RHCE: variants seen among roughly 807,000 people sequenced by gnomAD.
The protein encoded by RHCE is blood group Rh(CE) polypeptide.
Under a neutral mutation model 43.8 loss-of-function variants are expected in RHCE, and 22 were observed. The ratio of observed to expected loss-of-function variants is 0.50; its 90% confidence interval spans 0.36 to 0.72. The LOEUF (loss-of-function observed/expected upper bound fraction) is 0.72. Among genes scored for constraint, RHCE ranks in the 30% least tolerant of loss-of-function variants. RHCE has a pLI of 0.00. For missense variants in RHCE, 385 were observed against 525.4 expected (o/e 0.73, Z 2.61); for synonymous variants, 156 against 210.7 (o/e 0.74, Z 2.25).
intron 1 of RHCE, among the ~76,000 whole-genome samples, chr1:25,415,583 C>T (rs1240488270): frequency 6.3e-4 from 95 of 151,960 alleles, no homozygotes; most frequent in African/African-American, 2.1e-3. Flanking sequence ...ACCTGGGAGG[C>T]GGAGGTTGCG....
At chr1:25,420,010 C>A (rs572638507) in intron 1 of RHCE, among the ~76,000 whole-genome samples, 2 of 140,270 alleles carry the variant, frequency 1.4e-5, no homozygotes, top group Admixed American at 1.4e-4. Flanking sequence ...AGACCCACAT[C>A]TCTACCAAAA....
intron 7 of RHCE, among the ~76,000 whole-genome samples, chr1:25,376,702 C>T (rs1336666262): frequency 6.6e-6 from 1 of 152,156 alleles, no homozygotes; most frequent in Non-Finnish European, 1.5e-5. Context: ...ATCATGAGGT[C>T]AGGAGATGGA....
intron 1 of RHCE, among the ~76,000 whole-genome samples, chr1:25,416,506 G>A (rs570583781): frequency 1.3e-5 from 2 of 152,250 alleles, no homozygotes; most frequent in Admixed American, 6.5e-5. Context: ...CTCGTGATCT[G>A]CCTGCCTTGG....
At chr1:25,391,533 A>C (rs963649737) in intron 4 of RHCE, among the ~76,000 whole-genome samples, 8 of 150,020 alleles carry the variant, frequency 5.3e-5, no homozygotes, top group African/African-American at 2.0e-4. Context: ...CTTTAACTTG[A>C]CCCCGTGGCC....
chr1:25,413,709 A>C (rs1192445672), intron 1 of RHCE, among the ~76,000 whole-genome samples: 1 of 151,998 alleles, frequency 6.6e-6, no homozygotes, highest in Admixed American at 6.6e-5. Flanking sequence ...CGTGCCTTAC[A>C]GACTTAGCCC....
In RHCE at chr1:25,362,365, T is replaced by G; in HGVS notation, c.*162A>C. 1 of 1,513,006 alleles carries G rather than the reference T, an allele frequency of 6.6e-7. No individual in the cohort carries two copies. Among genetic ancestry groups the G allele is most frequent in the Non-Finnish European group, 9.0e-7 (1 of 1,112,342 alleles). The allele number at this position is 1,513,006 out of a possible 1,614,324, so 93.7% of individuals were successfully genotyped here. A position where few individuals can be genotyped will look rare whatever the true frequency, so the allele number is the denominator to read the frequency against. ...ATTAAATTGACTCTTAAACTAAGTTTTTAGTCTTTAATTTTTTAATATCAA... is the reference window on the plus strand; with the variant it reads ...ATTAAATTGACTCTTAAACTAAGTTGTTAGTCTTTAATTTTTTAATATCAA... On this transcript the variant is annotated 3_prime_UTR_variant, in exon 10 of 10. Transcript: ENST00000294413.
Position 25,390,824 on chromosome 1 carries a change from G to A in RHCE, c.726C>T (p.Tyr242=). The A allele has an allele frequency of 2.5e-6, 4 of 1,614,238 alleles. No homozygotes were observed. Among genetic ancestry groups the A allele is most frequent in the Non-Finnish European group, 3.4e-6 (4 of 1,180,038 alleles). ...IQRKNAMFNT[Y]YALAVSVVTA... ...TCACCACACTGACTGCTAGAGCATA[G>A]TAGGTGTTGAACATGGCATTCTTCC... Residue 242 remains tyrosine, a synonymous_variant, in exon 5 of 10, where the codon TAC becomes TAT. Transcript: ENST00000294413.
chr1:25,407,421 C>G (rs28618120), intron 2 of RHCE, among the ~76,000 whole-genome samples: 12,324 of 122,614 alleles, frequency 0.1, 2,670 homozygotes, highest in African/African-American at 0.29. Flanking sequence ...CACTTCCTTA[C>G]CTGTATACCA....
intron 2 of RHCE, among the ~76,000 whole-genome samples, chr1:25,404,154 T>A (rs1196122910): frequency 1.7e-5 from 2 of 117,152 alleles, no homozygotes; most frequent in Non-Finnish European, 3.3e-5. Flanking sequence ...GGCGACAGAG[T>A]AAGACTCTGT....
chr1:25,379,154 T>C (rs1557604367), intron 7 of RHCE, among the ~76,000 whole-genome samples: 2 of 152,002 alleles, frequency 1.3e-5, no homozygotes, highest in Non-Finnish European at 2.9e-5. Flanking sequence ...GAGGACCTTC[T>C]TGCTGTGCCA....
intron 1 of RHCE, among the ~76,000 whole-genome samples, chr1:25,417,023 CAT>C (rs1324077603): frequency 4.6e-5 from 7 of 151,772 alleles, no homozygotes; most frequent in East Asian, 1.9e-4. Context: ...ATGATTGTCA[CAT>C]GAGACCAATC....
rs192467255 is a variant in RHCE at position 25,387,425 on chromosome 1, G to A, written c.939+1551C>T. On this transcript the variant is annotated intron_variant, in intron 6 of 9. Coordinates refer to ENST00000294413, the MANE Select transcript of RHCE (RefSeq NM_020485.8). The stretch of plus-strand genomic sequence containing the variant: ...CTATAGCTTGAAAAGCAAGATGAGT[G>A]TTAAAACGTATGTGTTGAATGAAGG... Among the ~76,000 whole-genome samples, 370 of 152,312 alleles carry A rather than the reference G, an allele frequency of 2.4e-3. 2 individuals are homozygous for A. The highest frequency in any genetic ancestry group is 8.7e-3 in the African/African-American group (362 of 41,556).
chr1:25,422,911 G>A (rs619956), upstream of RHCE, among the ~76,000 whole-genome samples: 44 of 151,412 alleles, frequency 2.9e-4, no homozygotes, highest in Admixed American at 5.2e-4. Context: ...TTGTGCCCCT[G>A]TGAGAATCTA....
At chr1:25,370,673 C>G in intron 8 of RHCE, 133 bp from the exon 9 acceptor site, 1 of 726,656 alleles carries the variant, frequency 1.4e-6, no homozygotes, top group Non-Finnish European at 2.4e-6. Context: ...AATTGAAAGA[C>G]AAATAAATGG....
chr1:25,372,144 C>T (rs1445911637), intron 8 of RHCE, among the ~76,000 whole-genome samples: 3 of 151,596 alleles, frequency 2.0e-5, no homozygotes, highest in Non-Finnish European at 2.9e-5. Flanking sequence ...TGCCATATAA[C>T]GTGGAAAAGG....
At chr1:25,421,293 G>A (rs2042756606), upstream of RHCE, among the ~76,000 whole-genome samples, 1 of 152,214 alleles carries the variant, frequency 6.6e-6, no homozygotes, top group Non-Finnish European at 1.5e-5. Context: ...TGAAAGCAAA[G>A]AATGGAGCTG....
At chr1:25,424,922 T>G (rs565657731), upstream of RHCE, among the ~76,000 whole-genome samples, 2 of 152,144 alleles carry the variant, frequency 1.3e-5, no homozygotes, top group South Asian at 2.1e-4. Flanking sequence ...GTTCAAGCGA[T>G]TCTCCTTCCT....
At chr1:25,418,223 C>T (rs2982357) in intron 1 of RHCE, among the ~76,000 whole-genome samples, 2 of 152,126 alleles carry the variant, frequency 1.3e-5, no homozygotes, top group South Asian at 2.1e-4. Flanking sequence ...GACAGGGTTT[C>T]ACCATATGGG....
chr1:25,368,812 G>T (rs1027964544), intron 9 of RHCE, among the ~76,000 whole-genome samples: 4 of 151,318 alleles, frequency 2.6e-5, no homozygotes, highest in African/African-American at 9.8e-5. Flanking sequence ...CCAGGCTGGA[G>T]TGCAGTGGCA....
Sources: allele counts gnomAD v4.1 joint callset (sites outside exome capture counted in the v4.1 genomes callset), GRCh38; gene constraint gnomAD v4.1.1; transcripts MANE v1.5; gene names NCBI Gene and HGNC (gene_info 2026-07-23, HGNC 2026-07-21).